Variants in STXBP6 observed in about 807,000 individuals in gnomAD.
The protein encoded by STXBP6 is syntaxin binding protein 6.
STXBP6 carries 21 observed loss-of-function variants against 26.9 expected under a neutral mutation model. The ratio of observed to expected loss-of-function variants is 0.78; its 90% CI spans 0.55 to 1.12. STXBP6 has a LOEUF of 1.12. STXBP6 is among the 50% of genes most tolerant of loss of function. The pLI is 0.00. For missense variants in STXBP6, 232 were observed against 257.9 expected, an observed-to-expected ratio of 0.90 and a Z score of 0.69; for synonymous variants, 97 against 92.6, an observed-to-expected ratio of 1.05 and a Z score of -0.27.
chr14:24,826,129 T>C (rs1014444825), intron 4 of STXBP6, among the ~76,000 whole-genome samples: 3 of 152,206 alleles, frequency 2.0e-5, no homozygotes, highest in Non-Finnish European at 4.4e-5. Flanking sequence ...AACACTCTAA[T>C]AACTGTTAAT....
At chr14:24,885,899 T>C (rs1265140498) in intron 2 of STXBP6, among the ~76,000 whole-genome samples, 5 of 152,196 alleles carry the variant, frequency 3.3e-5, no homozygotes, top group Admixed American at 3.3e-4. Context: ...AATATATGAA[T>C]ATGGTTTTTG....
intron 2 of STXBP6, among the ~76,000 whole-genome samples, chr14:24,868,742 C>T (rs768493364): frequency 3.9e-5 from 6 of 152,146 alleles, no homozygotes; most frequent in East Asian, 3.9e-4. Flanking sequence ...GAACTTCTAC[C>T]GCAATAGCCC....
intron 1 of STXBP6, among the ~76,000 whole-genome samples, chr14:25,007,777 A>G (rs1324457229): frequency 6.6e-6 from 1 of 152,202 alleles, no homozygotes; most frequent in Non-Finnish European, 1.5e-5. Context: ...TTATTCCTGC[A>G]AAGTTCCAGT....
intron 1 of STXBP6, among the ~76,000 whole-genome samples, chr14:25,002,247 T>C (rs1479161223): frequency 6.6e-6 from 1 of 152,182 alleles, no homozygotes; most frequent in Non-Finnish European, 1.5e-5. Flanking sequence ...TTCTTCACTA[T>C]TGATCATGAC....
intron 4 of STXBP6, among the ~76,000 whole-genome samples, chr14:24,830,758 T>C (rs1317106203): frequency 6.6e-6 from 1 of 152,188 alleles, no homozygotes; most frequent in East Asian, 1.9e-4. Flanking sequence ...GAATGGATCA[T>C]CTGTAGGGAG....
chr14:24,853,749 G>A (rs543506134), intron 4 of STXBP6, among the ~76,000 whole-genome samples: 47 of 152,006 alleles, frequency 3.1e-4, no homozygotes, highest in Non-Finnish European at 6.2e-4. Flanking sequence ...ACCAATATTC[G>A]GCTTGCCTAA....
chr14:25,047,686 G>T (rs2075747354), intron 1 of STXBP6, among the ~76,000 whole-genome samples: 1 of 152,210 alleles, frequency 6.6e-6, no homozygotes, highest in South Asian at 2.1e-4. Flanking sequence ...CCTAAGATTA[G>T]GGAAGATGCT....
intron 2 of STXBP6, among the ~76,000 whole-genome samples, chr14:24,955,480 T>A (rs2073312075): frequency 6.6e-6 from 1 of 152,224 alleles, no homozygotes; most frequent in South Asian, 2.1e-4. Flanking sequence ...CCTGCCTGCC[T>A]TCCTTTGGAT....
At chr14:24,905,603 A>G (rs551950101) in intron 2 of STXBP6, among the ~76,000 whole-genome samples, 5 of 152,294 alleles carry the variant, frequency 3.3e-5, no homozygotes, top group African/African-American at 4.8e-5. Flanking sequence ...TGTAGCAAAA[A>G]CTGCCAAAGG....
chr14:24,934,325 C>G (rs1234615764), intron 2 of STXBP6, among the ~76,000 whole-genome samples: 1 of 152,260 alleles, frequency 6.6e-6, no homozygotes, highest in East Asian at 1.9e-4. Flanking sequence ...GAAAATAAAT[C>G]AGACTTGGTC....
chr14:24,901,031 T>C (rs148669073), intron 2 of STXBP6, among the ~76,000 whole-genome samples: 25 of 152,248 alleles, frequency 1.6e-4, no homozygotes, highest in African/African-American at 5.5e-4. Context: ...AATTTACAAC[T>C]TAAAGCAAGA....
intron 1 of STXBP6, among the ~76,000 whole-genome samples, chr14:25,006,366 C>A (rs773779318): frequency 6.6e-6 from 1 of 152,160 alleles, no homozygotes; most frequent in Non-Finnish European, 1.5e-5. Flanking sequence ...TCTTCCTCCC[C>A]CTTCCAAGCT....
At chr14:24,920,021 TTTGATA>T (rs2071924044) in intron 2 of STXBP6, among the ~76,000 whole-genome samples, 1 of 152,058 alleles carries the variant, frequency 6.6e-6, no homozygotes, top group South Asian at 2.1e-4. Context: ...TTCCAGAGGT[TTTGATA>T]TCCAAAAATT....
chr14:24,863,536 A>G (rs2069616950), intron 2 of STXBP6, among the ~76,000 whole-genome samples: 1 of 152,210 alleles, frequency 6.6e-6, no homozygotes, highest in Non-Finnish European at 1.5e-5. Flanking sequence ...ACTACAAGTA[A>G]GAGTAAAGAA....
intron 2 of STXBP6, among the ~76,000 whole-genome samples, chr14:24,880,553 G>A (rs2070321322): frequency 6.6e-6 from 1 of 152,164 alleles, no homozygotes; most frequent in African/African-American, 2.4e-5. Context: ...AGAAACTGTA[G>A]GCCAGGTACA....
intron 2 of STXBP6, among the ~76,000 whole-genome samples, chr14:24,966,559 GATTAAATGAGATGAT>G (rs1314537699): frequency 6.6e-6 from 1 of 152,120 alleles, no homozygotes; most frequent in African/African-American, 2.4e-5. Flanking sequence ...CTGTTGTGAG[GATTAAATGAGATGAT>G]ACCTATTCAA....
intron 1 of STXBP6, among the ~76,000 whole-genome samples, chr14:25,032,024 C>T (rs987402266): frequency 1.3e-5 from 2 of 151,870 alleles, no homozygotes; most frequent in African/African-American, 2.4e-5. Flanking sequence ...GTGGTAAATA[C>T]AGAAAGAAAT....
At chr14:25,046,062 C>T (rs915793907) in intron 1 of STXBP6, among the ~76,000 whole-genome samples, 3 of 152,156 alleles carry the variant, frequency 2.0e-5, no homozygotes, top group African/African-American at 7.2e-5. Context: ...GGCCCTGACT[C>T]TCTGTGACTC....
intron 1 of STXBP6, among the ~76,000 whole-genome samples, chr14:24,993,872 T>C (rs1214033720): frequency 6.6e-6 from 1 of 152,154 alleles, no homozygotes; most frequent in Non-Finnish European, 1.5e-5. Flanking sequence ...GAGATCCAAG[T>C]ACCTCCTTAG....
Sources: gnomAD v4.1 joint callset for allele counts (sites outside exome capture counted in the v4.1 genomes callset) on GRCh38, gnomAD v4.1.1 for gene constraint, MANE v1.5 for transcripts, NCBI Gene and HGNC (gene_info 2026-07-23, HGNC 2026-07-21) for gene names.